The following TRPA1 variants were observed in gnomAD, a reference collection of about 807,000 sequenced individuals.
TRPA1 encodes ankyrin-like with transmembrane domains 1.
In TRPA1, 129 loss-of-function variants were observed where a neutral mutation model predicts 131.3. The ratio of observed to expected loss-of-function variants is 0.98; its 90% CI spans 0.85 to 1.14. TRPA1 has a LOEUF of 1.14. Among genes scored for constraint, TRPA1 ranks in the 50% most tolerant of loss-of-function variants. TRPA1 has a pLI of 0.00. For missense variants in TRPA1, 1,304 were observed against 1,354.2 expected, an observed-to-expected ratio of 0.96 and a Z score of 0.58; for synonymous variants, 441 against 451.7, an observed-to-expected ratio of 0.98 and a Z score of 0.30.
In TRPA1 at chr8:72,053,001, TAG is replaced by T. The variant is rs1303449146; in HGVS notation, c.1645-238_1645-237del. The stretch of plus-strand genomic sequence containing the variant: ...TGTGTGTGTGTGTGTGTGTGAGAGA[TAG>T]AGAAAGAGAGAGAGAGAGAGAGAGA... On this transcript the variant is annotated intron_variant, in intron 13 of 26. Transcript: ENST00000262209. 434 of 195,898 alleles carry T rather than the reference TAG, an allele frequency of 2.2e-3. 4 individuals are homozygous for T. Among genetic ancestry groups the T allele is most frequent in the African/African-American group, 0.013 (271 of 20,476 alleles). The allele number at this position is 195,898 out of a possible 1,614,324, so 12.1% of individuals were successfully genotyped here. A position where few individuals can be genotyped will look rare whatever the true frequency, so the allele number is the denominator to read the frequency against.
intron 21 of TRPA1, among the ~76,000 whole-genome samples, chr8:72,035,981 G>T (rs1165383204): frequency 3.2e-5 from 3 of 92,440 alleles, no homozygotes; most frequent in Admixed American, 1.7e-4. Flanking sequence ...AGCAATTTAC[G>T]ATATACAAGA....
chr8:72,023,557 T>C (rs1367100612), intron 26 of TRPA1: 3 of 443,792 alleles, frequency 6.8e-6, no homozygotes, highest in African/African-American at 5.9e-5. Context: ...TTTATGATAC[T>C]ACCTCCAAGA....
chr8:72,065,686 C>T, intron 3 of TRPA1, 128 bp from the exon 4 acceptor site: 1 of 720,832 alleles, frequency 1.4e-6, no homozygotes, highest in Non-Finnish European at 2.5e-6. Context: ...ATCCTTCTCT[C>T]ACACAATCTG....
chr8:72,055,535 T>C lies in TRPA1; in HGVS notation c.1430A>G (p.Glu477Gly). 1 of 1,613,686 alleles carries C rather than the reference T, an allele frequency of 6.2e-7. No individual in the cohort carries two copies. Among genetic ancestry groups the C allele is most frequent in the Non-Finnish European group, 8.5e-7 (1 of 1,179,702 alleles). ...AGGAGTCATTCCATGAAGGTCACCT[T>C]CATTCAGAAGCCTCGTATCACTTAT... is the stretch of plus-strand genomic sequence containing the variant. ...QDISDTRLLNEGDLHGMTPLH... is the reference protein window; with the variant it reads ...QDISDTRLLNGGDLHGMTPLH... Residue 477 changes from glutamate (E) to glycine (G), a missense_variant, in exon 12 of 27, where the codon GAA becomes GGA. By Grantham distance (98) the Glu-to-Gly change is moderately conservative (BLOSUM62 -2). Transcript: ENST00000262209.
chr8:72,088,866 A>G, the TRPA1 span, among the ~76,000 whole-genome samples: 70 of 152,154 alleles, frequency 4.6e-4, no homozygotes, highest in Non-Finnish European at 9.4e-4. Flanking sequence ...CCAAAGCAGC[A>G]CCATTCCCAG....
At chr8:72,056,780 AAT>A (rs1243863501) in intron 10 of TRPA1, 135 bp downstream of exon 10, 3 of 698,846 alleles carry the variant, frequency 4.3e-6, no homozygotes, top group East Asian at 2.8e-5. Flanking sequence ...TAAATAGTCA[AAT>A]ATGTCATCTT....
chr8:72,052,845 C>T, intron 13 of TRPA1, 80 bp from the exon 14 acceptor site: 1 of 1,519,786 alleles, frequency 6.6e-7, no homozygotes, highest in Non-Finnish European at 9.1e-7. Flanking sequence ...GCTTAAAAGA[C>T]ATTAGCGACA....
intron 7 of TRPA1, chr8:72,060,340 T>C (rs988831416): frequency 1.3e-5 from 2 of 152,072 alleles, no homozygotes; most frequent in Non-Finnish European, 2.9e-5. Context: ...GAGATTCATC[T>C]TAAAGATTTT....
At chr8:72,065,224 G>A (rs569612565) in intron 4 of TRPA1, among the ~76,000 whole-genome samples, 2 of 152,110 alleles carry the variant, frequency 1.3e-5, no homozygotes, top group African/African-American at 4.8e-5. Flanking sequence ...TGATTTTCTC[G>A]AAATTTTCTT....
At position 72,075,561 on chromosome 8, in the gene TRPA1, G is replaced by A; in HGVS notation, c.-152C>T. 1 of 684,108 alleles carries A rather than the reference G, an allele frequency of 1.5e-6. No individual in the cohort carries two copies. Among genetic ancestry groups the A allele is most frequent in the Non-Finnish European group, 2.6e-6 (1 of 385,888 alleles). 42.4% of individuals were successfully genotyped at this position (684,108 alleles called of 1,614,324 possible). On this transcript the variant is annotated 5_prime_UTR_variant, in exon 1 of 27. Transcript: ENST00000262209. ...TCACAGGCAGCGAAAAAGTCGCTCT[G>A]CGGAAGCCCTGGAGAACTTCTGGAA... is the stretch of plus-strand genomic sequence containing the variant.
intron 8 of TRPA1, 83 bp from the exon 9 acceptor site, chr8:72,057,899 C>T (rs1320988665): frequency 2.0e-6 from 2 of 1,012,582 alleles, no homozygotes; most frequent in East Asian, 2.5e-5. Context: ...AATGGTAATT[C>T]ATTGATACAG....
At chr8:72,064,546 A>T (rs1368212427) in intron 4 of TRPA1, among the ~76,000 whole-genome samples, 4 of 151,880 alleles carry the variant, frequency 2.6e-5, no homozygotes, top group Admixed American at 6.6e-5. Flanking sequence ...TTTATCATTT[A>T]TTCTCTTTGT....
At chr8:72,031,147 C>G (rs1312294094) in intron 23 of TRPA1, among the ~76,000 whole-genome samples, 3 of 152,184 alleles carry the variant, frequency 2.0e-5, no homozygotes, top group African/African-American at 7.2e-5. Context: ...AGAATATATT[C>G]TAGGGCTTGA....
intron 3 of TRPA1, among the ~76,000 whole-genome samples, chr8:72,067,851 G>C (rs533738079): frequency 6.6e-6 from 1 of 152,180 alleles, no homozygotes; most frequent in Non-Finnish European, 1.5e-5. Context: ...CATAGGTACT[G>C]AGACTTCAGC....
chr8:72,076,380 A>G (rs1294550810), upstream of TRPA1: 1 of 151,866 alleles, frequency 6.6e-6, no homozygotes, highest in African/African-American at 2.4e-5. Flanking sequence ...TTACGTACAG[A>G]CAAGGGAACT....
chr8:72,083,316 C>T, the TRPA1 span, among the ~76,000 whole-genome samples: 1 of 151,918 alleles, frequency 6.6e-6, no homozygotes, highest in Non-Finnish European at 1.5e-5. Flanking sequence ...CTGTTTGTTC[C>T]TTTTTTCCTC....
chr8:72,055,277 A>G, intron 12 of TRPA1, 159 bp downstream of exon 12: 1 of 657,438 alleles, frequency 1.5e-6, no homozygotes, highest in Non-Finnish European at 2.6e-6. Flanking sequence ...CCCTTTCAGT[A>G]TTTTTAGAAG....
At position 72,055,743 on chromosome 8, in the gene TRPA1, T is replaced by G. The variant is rs746601312; in HGVS notation, c.1307A>C (p.Asn436Thr). The G allele has an allele frequency of 6.2e-7, 1 of 1,613,324 alleles. No homozygotes were observed. The highest frequency in any genetic ancestry group is 8.5e-7 in the Non-Finnish European group (1 of 1,179,526). The change falls in exon 11 of 27, where the codon AAT becomes ACT. Residue 436 changes from asparagine to threonine, a missense_variant. By Grantham distance (65) the Asn-to-Thr change is moderately conservative. Coordinates refer to ENST00000262209, the MANE Select transcript of TRPA1 (RefSeq NM_007332.3). The stretch of plus-strand genomic sequence containing the variant: ...TTTGCTTTTGGAATGAATGGACACA[T>G]TAAAGCCAAGTAGGTTATTTACAGA... ...PGSVNNLLGF[N>T]VSIHSKSKDK...
In TRPA1 at chr8:72,022,462, T is replaced by C. The variant is rs1585826259; in HGVS notation, c.*444A>G. On this transcript the variant is annotated 3_prime_UTR_variant, in exon 27 of 27. Transcript: ENST00000262209. Reference sequence around the variant, plus strand: ...GGAAGCAGCTTAGGTTAGGTAGACCTCAACCTAATATTTAAGACTATCATC... The same window carrying C: ...GGAAGCAGCTTAGGTTAGGTAGACCCCAACCTAATATTTAAGACTATCATC... 2 of 300,040 alleles carry C rather than the reference T, an allele frequency of 6.7e-6. No homozygotes were observed. The highest frequency in any genetic ancestry group is 1.9e-4 in the East Asian group (2 of 10,656). 18.6% of individuals were successfully genotyped at this position (300,040 alleles called of 1,614,324 possible).
Sources: gnomAD v4.1 joint callset for allele counts (sites outside exome capture counted in the v4.1 genomes callset) on GRCh38, gnomAD v4.1.1 for gene constraint, MANE v1.5 for transcripts, NCBI Gene and HGNC (gene_info 2026-07-23, HGNC 2026-07-21) for gene names.